SLC39A12: variants seen among roughly 807,000 people sequenced by gnomAD.
SLC39A12 encodes solute carrier family 39 member 12, also known as zinc transporter ZIP12.
SLC39A12 carries 63 observed loss-of-function variants against 71.1 expected under a neutral mutation model. The ratio of observed to expected loss-of-function variants is 0.89; its 90% CI spans 0.72 to 1.09. The LOEUF (loss-of-function observed/expected upper bound fraction) is 1.09. SLC39A12 is among the 50% of genes least tolerant of loss of function. The pLI is 0.00. For synonymous variants in SLC39A12, 351 were observed against 301.3 expected (o/e 1.16, Z -1.71); for missense variants, 892 against 812.6 (o/e 1.10, Z -1.19).
intron 4 of SLC39A12, among the ~76,000 whole-genome samples, chr10:17,969,887 A>G (rs1278805484): frequency 1.3e-5 from 2 of 152,086 alleles, no homozygotes; most frequent in Admixed American, 6.5e-5. Flanking sequence ...ATTTTCCCCA[A>G]CGTTTTCTTG....
At chr10:17,961,439 C>G in intron 2 of SLC39A12, 142 bp from the exon 3 acceptor site, 1 of 747,978 alleles carries the variant, frequency 1.3e-6, no homozygotes, top group Non-Finnish European at 2.1e-6. Context: ...GTCCAACTCT[C>G]TGAATCTGGC....
intron 12 of SLC39A12, among the ~76,000 whole-genome samples, chr10:18,037,920 T>C (rs1837105598): frequency 6.9e-6 from 1 of 145,218 alleles, no homozygotes; most frequent in Non-Finnish European, 1.5e-5. Context: ...CGTGGGCGAC[T>C]GAGGCAGGGG....
intron 12 of SLC39A12, among the ~76,000 whole-genome samples, chr10:18,017,361 T>C (rs1419042886): frequency 6.6e-6 from 1 of 152,186 alleles, no homozygotes; most frequent in Non-Finnish European, 1.5e-5. Context: ...CAGGCTGGGG[T>C]GCAGTGGCAC....
intron 2 of SLC39A12, among the ~76,000 whole-genome samples, chr10:17,955,403 A>G (rs1017811114): frequency 2.0e-5 from 3 of 152,156 alleles, no homozygotes; most frequent in African/African-American, 4.8e-5. Context: ...GTTCACCCCA[A>G]TCACCCATCA....
chr10:18,024,155 C>T (rs777035428), intron 12 of SLC39A12, among the ~76,000 whole-genome samples: 1 of 152,010 alleles, frequency 6.6e-6, no homozygotes, highest in Non-Finnish European at 1.5e-5. Flanking sequence ...GGGCTTTGCC[C>T]AGCAAGGTGT....
Position 17,961,671 on chromosome 10 carries a change from C to G in SLC39A12, c.352C>G (p.Leu118Val). ...AGTGGTCCAGAGAGTTTCTCTTCTC[C>G]TTCTCTATTACATTATTCATCAGGA... ...EEVVQRVSLL[L>V]LYYIIHQEEI... The change falls in exon 3 of 13, where the codon CTT (leucine) becomes GTT (valine). Residue 118 changes from leucine to valine, a missense_variant. Coordinates refer to ENST00000377369, the MANE Select transcript of SLC39A12 (RefSeq NM_001145195.2). The G allele has an allele frequency of 6.2e-7, 1 of 1,613,920 alleles. No homozygotes were observed. The highest frequency in any genetic ancestry group is 8.5e-7 in the Non-Finnish European group (1 of 1,179,844).
intron 4 of SLC39A12, among the ~76,000 whole-genome samples, chr10:17,972,009 A>G (rs987691662): frequency 6.6e-6 from 1 of 152,100 alleles, no homozygotes; most frequent in Non-Finnish European, 1.5e-5. Flanking sequence ...GTTGTTTCTC[A>G]TAGGATTTGG....
At position 17,993,252 on chromosome 10, in the gene SLC39A12, C is replaced by T; in HGVS notation, c.1494C>T (p.Asp498=). The T allele has an allele frequency of 1.3e-6, 2 of 1,551,926 alleles. No homozygotes were observed. The highest frequency in any genetic ancestry group is 1.7e-6 in the Non-Finnish European group (2 of 1,146,976). The part of the protein sequence containing the change: ...HHLALNSELS[D]QAGRGKSAST... ...TTGCACTCAACTCTGAATTAAGTGA[C>T]CAGGCAGGCAGAGGCAAATCTGCTT... Residue 498 remains aspartate (D), a synonymous_variant, in exon 9 of 13, where the codon GAC becomes GAT. Transcript: ENST00000377369.
At chr10:17,997,269 C>T (rs1228781051) in intron 10 of SLC39A12, among the ~76,000 whole-genome samples, 3 of 152,080 alleles carry the variant, frequency 2.0e-5, no homozygotes, top group Non-Finnish European at 4.4e-5. Flanking sequence ...GGGATGTAGT[C>T]AGGGATAGAA....
rs1210718520 is a variant in SLC39A12, at chr10:18,022,321, T to A, written c.1947+18963T>A. Among the ~76,000 whole-genome samples, 4 of 152,252 alleles carry A rather than the reference T, an allele frequency of 2.6e-5. No homozygotes were observed. In the East Asian group the frequency reaches 7.7e-4, roughly 29 times the overall value. On this transcript the variant is annotated intron_variant, in intron 12 of 12. Coordinates refer to ENST00000377369, the MANE Select transcript of SLC39A12 (RefSeq NM_001145195.2). ...TCTTTCTCAGAGGTTTTGTTTATTT[T>A]TTTTTTTTAGTTCTTTTTTGTTTAT...
At chr10:17,970,154 T>C (rs1212204325) in intron 4 of SLC39A12, among the ~76,000 whole-genome samples, 1 of 152,214 alleles carries the variant, frequency 6.6e-6, no homozygotes, top group African/African-American at 2.4e-5. Flanking sequence ...TCTGTGTCTG[T>C]TTTTATGCCA....
intron 12 of SLC39A12, among the ~76,000 whole-genome samples, chr10:18,006,012 G>A (rs1287040616): frequency 6.6e-6 from 1 of 151,940 alleles, no homozygotes; most frequent in Non-Finnish European, 1.5e-5. Flanking sequence ...GAAAATAGTC[G>A]GTCATTTAAA....
intron 4 of SLC39A12, 147 bp downstream of exon 4, chr10:17,965,837 A>G (rs973280310): frequency 2.8e-6 from 2 of 706,980 alleles, no homozygotes; most frequent in South Asian, 4.0e-5. Flanking sequence ...CAGACAGCTT[A>G]TGTGGCCTTT....
At chr10:18,012,605 G>A (rs1050751437) in intron 12 of SLC39A12, among the ~76,000 whole-genome samples, 9 of 152,128 alleles carry the variant, frequency 5.9e-5, no homozygotes, top group East Asian at 1.9e-4. Context: ...GCGGTGGCTC[G>A]CGCCTGTAAT....
intron 12 of SLC39A12, among the ~76,000 whole-genome samples, chr10:18,029,873 T>A (rs1836787504): frequency 6.6e-6 from 1 of 150,686 alleles, no homozygotes; most frequent in Admixed American, 6.6e-5. Flanking sequence ...CCTTCAAAAT[T>A]GACTGGCTAA....
In SLC39A12 at chr10:17,987,487, T is replaced by C. The variant is rs951456225; in HGVS notation, c.1105T>C (p.Tyr369His). The C allele has an allele frequency of 3.7e-6, 6 of 1,613,770 alleles. No homozygotes were observed. In the African/African-American group the frequency reaches 4.0e-5, roughly 11 times the overall value. The change falls in exon 7 of 13, where the codon TAC becomes CAC. Residue 369 changes from tyrosine to histidine, a missense_variant. Coordinates refer to ENST00000377369, the MANE Select transcript of SLC39A12 (RefSeq NM_001145195.2). ...LPPTTLEKYG[Y>H]STVAVTLLTL... Reference sequence around the variant, plus strand: ...GATCTCCTTTGACTTAGAATACGGCTACAGCACGGTGGCTGTCACCCTTCT... The same window carrying C: ...GATCTCCTTTGACTTAGAATACGGCCACAGCACGGTGGCTGTCACCCTTCT...
intron 12 of SLC39A12, among the ~76,000 whole-genome samples, chr10:18,030,729 G>T (rs1453898743): frequency 6.7e-6 from 1 of 149,936 alleles, no homozygotes; most frequent in African/African-American, 2.5e-5. Context: ...CCATGCTGGT[G>T]TGCTGCACCC....
intron 10 of SLC39A12, among the ~76,000 whole-genome samples, chr10:17,999,062 C>T (rs1185973421): frequency 1.3e-5 from 2 of 151,774 alleles, no homozygotes; most frequent in African/African-American, 2.4e-5. Context: ...TTTGGGAGGC[C>T]GAGGCGGGTG....
chr10:17,992,764 A>G (rs1835586301), intron 8 of SLC39A12, among the ~76,000 whole-genome samples: 2 of 152,182 alleles, frequency 1.3e-5, no homozygotes, highest in Admixed American at 1.3e-4. Context: ...TAAGAGCATA[A>G]TTCCAAGATT....
Sources: gnomAD v4.1 joint callset for allele counts (sites outside exome capture counted in the v4.1 genomes callset) on GRCh38, gnomAD v4.1.1 for gene constraint, MANE v1.5 for transcripts, NCBI Gene and HGNC (gene_info 2026-07-23, HGNC 2026-07-21) for gene names.